VEPH1: variants seen among roughly 807,000 people sequenced by gnomAD.
VEPH1 encodes the protein ventricular zone-expressed PH domain-containing protein homolog 1.
Under a neutral mutation model 85.2 loss-of-function variants are expected in VEPH1, and 80 were observed. The ratio of observed to expected loss-of-function variants is 0.94; its 90% CI spans 0.78 to 1.13. VEPH1 has a LOEUF of 1.13. Ranked by LOEUF, VEPH1 falls within the 50% of genes most tolerant of loss-of-function variation. VEPH1 has a pLI of 0.00. For missense variants in VEPH1, 955 were observed against 980.5 expected (o/e 0.97, Z 0.35); for synonymous variants, 297 against 348.0 (o/e 0.85, Z 1.63).
chr3:157,377,918 C>T (rs1041099456), intron 7 of VEPH1, among the ~76,000 whole-genome samples: 1 of 152,032 alleles, frequency 6.6e-6, no homozygotes, highest in Non-Finnish European at 1.5e-5. Context: ...TATTTTTTCT[C>T]TTTATATAAA....
intron 4 of VEPH1, among the ~76,000 whole-genome samples, chr3:157,441,506 G>A (rs1052797063): frequency 2.6e-5 from 4 of 152,074 alleles, no homozygotes; most frequent in African/African-American, 9.7e-5. Flanking sequence ...AGAACATTTG[G>A]TGTATTAAAA....
intron 2 of VEPH1, among the ~76,000 whole-genome samples, chr3:157,473,179 T>G (rs927355782): frequency 8.7e-5 from 13 of 150,066 alleles, no homozygotes; most frequent in Admixed American, 1.3e-4. Flanking sequence ...TTCAAGCAAT[T>G]CTCCTGCCTC....
At chr3:157,475,798 T>C (rs1159926337) in intron 2 of VEPH1, among the ~76,000 whole-genome samples, 5 of 152,132 alleles carry the variant, frequency 3.3e-5, no homozygotes, top group Middle Eastern at 3.2e-3. Context: ...AAGACAAAAA[T>C]GAGAGAACAT....
intron 1 of VEPH1, among the ~76,000 whole-genome samples, chr3:157,497,623 A>G (rs547981465): frequency 6.6e-6 from 1 of 152,342 alleles, no homozygotes; most frequent in South Asian, 2.1e-4. Flanking sequence ...TCCATGAAGT[A>G]CATTCAACTG....
At chr3:157,497,384 G>A (rs1184567476) in intron 1 of VEPH1, among the ~76,000 whole-genome samples, 2 of 152,120 alleles carry the variant, frequency 1.3e-5, no homozygotes, top group Non-Finnish European at 2.9e-5. Flanking sequence ...AGAGGGAGGT[G>A]GAGCACAGTG....
At chr3:157,419,240 C>T (rs538508429) in intron 5 of VEPH1, among the ~76,000 whole-genome samples, 2 of 152,102 alleles carry the variant, frequency 1.3e-5, no homozygotes, top group South Asian at 2.1e-4. Context: ...AAAAGAAAAT[C>T]GAGGCAATAC....
chr3:157,354,328 C>G (rs1463813000), intron 9 of VEPH1, among the ~76,000 whole-genome samples: 1 of 152,124 alleles, frequency 6.6e-6, no homozygotes, highest in African/African-American at 2.4e-5. Context: ...TGTATCTCCC[C>G]ACACATTCTT....
At chr3:157,427,771 ATG>A (rs375294511) in intron 5 of VEPH1, among the ~76,000 whole-genome samples, 5 of 152,340 alleles carry the variant, frequency 3.3e-5, no homozygotes, top group African/African-American at 1.2e-4. Context: ...GGTTAATTTT[ATG>A]TGTCAACTTG....
At position 157,413,960 on chromosome 3, in the gene VEPH1, A is replaced by T; in HGVS notation, c.827T>A (p.Leu276Gln). Residue 276 changes from leucine to glutamine, a missense_variant, in exon 6 of 14, where the codon CTG becomes CAG. Transcript: ENST00000362010. ...PVALNSFLPM[L>Q]KEIGERFPYL... ...GGGGAATCTCTCACCAATCTCTTTC[A>T]GCATTGGAAGAAAACTGTTCAAAGC... 6.2e-7 allele frequency: 1 copy of T among 1,613,700 alleles called. No individual in the cohort carries two copies. The highest frequency in any genetic ancestry group is 8.5e-7 in the Non-Finnish European group (1 of 1,179,744).
At chr3:157,388,799 A>G (rs1729562734) in intron 6 of VEPH1, among the ~76,000 whole-genome samples, 1 of 152,200 alleles carries the variant, frequency 6.6e-6, no homozygotes, top group South Asian at 2.1e-4. Context: ...TATTATAAGT[A>G]ATCTAGAGAT....
intron 5 of VEPH1, among the ~76,000 whole-genome samples, chr3:157,426,867 G>C (rs1224999275): frequency 6.7e-6 from 1 of 148,806 alleles, no homozygotes; most frequent in Non-Finnish European, 1.5e-5. Context: ...GAGTGCAGTG[G>C]CTCAATCTCA....
intron 9 of VEPH1, among the ~76,000 whole-genome samples, chr3:157,348,785 T>A (rs1020692327): frequency 6.6e-6 from 1 of 152,132 alleles, no homozygotes; most frequent in Non-Finnish European, 1.5e-5. Context: ...CCAGTCAAAT[T>A]TTAGCTATTT....
chr3:157,344,183 T>C (rs2108664034), intron 9 of VEPH1, among the ~76,000 whole-genome samples: 1 of 152,202 alleles, frequency 6.6e-6, no homozygotes. Flanking sequence ...GCCAGGGCAA[T>C]CAGGCAGGAG....
intron 12 of VEPH1, among the ~76,000 whole-genome samples, chr3:157,267,308 GCTGGT>G (rs1279579260): frequency 6.6e-6 from 1 of 150,708 alleles, no homozygotes; most frequent in Non-Finnish European, 1.5e-5. Context: ...TGTTGGCCAG[GCTGGT>G]CTCAAACTCC....
At chr3:157,351,052 A>G (rs1202586890) in intron 9 of VEPH1, among the ~76,000 whole-genome samples, 1 of 152,238 alleles carries the variant, frequency 6.6e-6, no homozygotes, top group Non-Finnish European at 1.5e-5. Flanking sequence ...ATTATATTGA[A>G]GAGACATTTG....
At chr3:157,323,727 T>C (rs1721600735) in intron 9 of VEPH1, among the ~76,000 whole-genome samples, 1 of 152,198 alleles carries the variant, frequency 6.6e-6, no homozygotes, top group African/African-American at 2.4e-5. Context: ...TAACACAAAT[T>C]TGGTAATTAT....
chr3:157,355,231 G>A (rs1725298043), intron 9 of VEPH1, among the ~76,000 whole-genome samples: 1 of 152,196 alleles, frequency 6.6e-6, no homozygotes, highest in Non-Finnish European at 1.5e-5. Flanking sequence ...TATTATGTAA[G>A]TTCCAAGAAA....
At chr3:157,387,064 G>A (rs1729380436) in intron 6 of VEPH1, among the ~76,000 whole-genome samples, 1 of 152,124 alleles carries the variant, frequency 6.6e-6, no homozygotes, top group Admixed American at 6.5e-5. Flanking sequence ...CTCTTGTTGT[G>A]GGAAAAGAGC....
rs139239243 is a variant in VEPH1 at position 157,324,204 on chromosome 3, C to T, written c.1736-7003G>A. 3.1e-3 allele frequency among the ~76,000 whole-genome samples: 465 copies of T among 152,122 alleles called. 6 individuals are homozygous for T. The East Asian group carries it at 0.045, about 15-fold the overall frequency. Reference sequence around the variant, plus strand: ...CTGAGTAGCTGGGATTACAGGCATGCGCCACCATGCCTGGCTAATTTTTTT... The same window carrying T: ...CTGAGTAGCTGGGATTACAGGCATGTGCCACCATGCCTGGCTAATTTTTTT... On this transcript the variant is annotated intron_variant, in intron 9 of 13. Transcript: ENST00000362010.
Sources: gnomAD v4.1 joint callset for allele counts (sites outside exome capture counted in the v4.1 genomes callset) on GRCh38, gnomAD v4.1.1 for gene constraint, MANE v1.5 for transcripts, NCBI Gene and HGNC (gene_info 2026-07-23, HGNC 2026-07-21) for gene names.